CRTC3: variants seen among roughly 807,000 people sequenced by gnomAD.
CRTC3 encodes CREB regulated transcription coactivator 3.
Under a neutral mutation model 74.5 loss-of-function variants are expected in CRTC3, and 26 were observed. That is an observed-to-expected ratio of 0.35 (90% CI 0.26 to 0.48). The LOEUF is 0.48. Among genes scored for constraint, CRTC3 ranks in the 20% least tolerant of loss-of-function variants. CRTC3 has a pLI of 0.99. For missense variants in CRTC3, 760 were observed against 787.3 expected (o/e 0.97, Z 0.41); for synonymous variants, 377 against 325.8 (o/e 1.16, Z -1.69).
chr15:90,593,492 A>G, intron 2 of CRTC3, 144 bp from the exon 3 acceptor site: 2 of 783,772 alleles, frequency 2.6e-6, no homozygotes, highest in Non-Finnish European at 4.0e-6. Flanking sequence ...ATACTACTTT[A>G]TTTACCTTGA....
chr15:90,594,980 TTC>T (rs2151078505), intron 3 of CRTC3: 1 of 152,354 alleles, frequency 6.6e-6, no homozygotes, highest in South Asian at 2.1e-4. Context: ...GGGAATGTTT[TTC>T]TCTCCCCTTT....
At chr15:90,567,638 A>G (rs1331306616) in intron 2 of CRTC3, among the ~76,000 whole-genome samples, 1 of 152,064 alleles carries the variant, frequency 6.6e-6, no homozygotes, top group Non-Finnish European at 1.5e-5. Flanking sequence ...CAGTGAGCCA[A>G]AATTGTGCCA....
chr15:90,571,240 C>T (rs1042086300), intron 2 of CRTC3, among the ~76,000 whole-genome samples: 4 of 152,090 alleles, frequency 2.6e-5, no homozygotes, highest in Admixed American at 1.3e-4. Flanking sequence ...GTGACAAACC[C>T]ACAATAGAGG....
chr15:90,529,944 C>G lies in CRTC3; in HGVS notation c.-128C>G. ...CGCTGGCTCCGGGGCCGCGGCGGCT[C>G]CTCTGCCGGGTCGCGCCGGACGACT... On this transcript the variant is annotated 5_prime_UTR_variant, in exon 1 of 15. Coordinates refer to ENST00000268184, the MANE Select transcript of CRTC3 (RefSeq NM_022769.5). 1.5e-6 allele frequency: 1 copy of G among 680,544 alleles called. No individual in the cohort carries two copies. Among genetic ancestry groups the G allele is most frequent in the Non-Finnish European group, 1.9e-6 (1 of 536,044 alleles). 42.2% of individuals were successfully genotyped at this position (680,544 alleles called of 1,614,324 possible).
intron 1 of CRTC3, among the ~76,000 whole-genome samples, chr15:90,533,870 G>A (rs1567156191): frequency 6.6e-6 from 1 of 152,100 alleles, no homozygotes; most frequent in Non-Finnish European, 1.5e-5. Flanking sequence ...AGGCATTCGA[G>A]GGTTTGTGTG....
In CRTC3 at chr15:90,530,356, G is replaced by A. The variant is rs2151051131; in HGVS notation, c.132+153G>A. 6.6e-6 allele frequency among the ~76,000 whole-genome samples: 1 copy of A among 151,682 alleles called. No individual in the cohort carries two copies. Among genetic ancestry groups the A allele is most frequent in the South Asian group, 2.1e-4 (1 of 4,830 alleles). On this transcript the variant is annotated intron_variant, in intron 1 of 14. Coordinates refer to ENST00000268184, the MANE Select transcript of CRTC3 (RefSeq NM_022769.5). This position sits in a 1 kb window ranked among gnomAD's most constrained non-coding sequence, Gnocchi z 6.2. Reference sequence around the variant, plus strand: ...TGGGAGGGGGACCGGAGCGGCCGCGGCCTCGGCGTTTCCCCGCCTGGCGAC... The same window carrying A: ...TGGGAGGGGGACCGGAGCGGCCGCGACCTCGGCGTTTCCCCGCCTGGCGAC...
intron 10 of CRTC3, 72 bp from the exon 11 acceptor site, chr15:90,629,162 T>C (rs1328367358): frequency 2.1e-6 from 3 of 1,441,782 alleles, no homozygotes; most frequent in African/African-American, 1.4e-5. Context: ...AGTAGACAGT[T>C]TTCTTTCATT....
At chr15:90,574,475 TCAAAA>T (rs199729294) in intron 2 of CRTC3, among the ~76,000 whole-genome samples, 2 of 152,082 alleles carry the variant, frequency 1.3e-5, no homozygotes, top group African/African-American at 4.8e-5. Context: ...AGACTCTGTC[TCAAAA>T]CAAAACAAAA....
Position 90,560,538 on chromosome 15 carries a change from G to C in CRTC3, c.231+20401G>C, listed in dbSNP as rs534712981. Among the ~76,000 whole-genome samples the C allele has an allele frequency of 3.3e-5, 5 of 152,356 alleles. No homozygotes were observed. In the East Asian group the frequency reaches 7.7e-4, roughly 24 times the overall value. ...ATTGGGGCAGACGATGAATACTTCA[G>C]ATATCCCCTGTGGGGTTAACTCCAG... On this transcript the variant is annotated intron_variant, in intron 2 of 14. Coordinates refer to ENST00000268184, the MANE Select transcript of CRTC3 (RefSeq NM_022769.5).
At chr15:90,634,680 C>T (rs892350879) in intron 11 of CRTC3, 21 of 602,820 alleles carry the variant, frequency 3.5e-5, no homozygotes, top group Non-Finnish European at 5.7e-5. Context: ...TGTCTCCTTG[C>T]GGCTCTACAC....
At chr15:90,573,222 A>G (rs1967318808) in intron 2 of CRTC3, among the ~76,000 whole-genome samples, 1 of 152,114 alleles carries the variant, frequency 6.6e-6, no homozygotes. Context: ...TGTTGCCTCT[A>G]CTCAAGGGCG....
chr15:90,572,980 C>T (rs1180277459), intron 2 of CRTC3, among the ~76,000 whole-genome samples: 1 of 152,190 alleles, frequency 6.6e-6, no homozygotes, highest in Non-Finnish European at 1.5e-5. Flanking sequence ...TAAGTATATT[C>T]ACATTGTTGT....
intron 1 of CRTC3, among the ~76,000 whole-genome samples, chr15:90,538,460 A>G (rs1490979010): frequency 1.3e-5 from 2 of 152,202 alleles, no homozygotes; most frequent in Non-Finnish European, 2.9e-5. Context: ...AAAGCCACTG[A>G]AGGATTTCGT....
intron 4 of CRTC3, among the ~76,000 whole-genome samples, chr15:90,603,167 G>A (rs546207159): frequency 6.6e-6 from 1 of 152,162 alleles, no homozygotes; most frequent in Non-Finnish European, 1.5e-5. Context: ...ATCTTGGCCA[G>A]GCACGGTGGC....
intron 10 of CRTC3, among the ~76,000 whole-genome samples, chr15:90,626,402 T>G (rs1968835329): frequency 6.6e-6 from 1 of 152,228 alleles, no homozygotes; most frequent in African/African-American, 2.4e-5. Context: ...ATTCTGCATT[T>G]TAGAAAATTT....
chr15:90,591,122 T>TG (rs929210416), intron 2 of CRTC3, among the ~76,000 whole-genome samples: 1 of 149,012 alleles, frequency 6.7e-6, no homozygotes, highest in Non-Finnish European at 1.5e-5. Context: ...GCCCCACTAT[T>TG]TTTTTTTTTT....
Position 90,530,995 on chromosome 15 carries a change from T to TG in CRTC3, c.132+796dup. Among the ~76,000 whole-genome samples the TG allele has an allele frequency of 6.8e-6, 1 of 147,472 alleles. No homozygotes were observed. The highest frequency in any genetic ancestry group is 1.5e-5 in the Non-Finnish European group (1 of 66,828). ...TGCAGAGAAGGGGGGTCAGCAGGAG[T>TG]GGGGCTGGCCTTGAGGATCCTGAAT... On this transcript the variant is annotated intron_variant, in intron 1 of 14. Transcript: ENST00000268184. This position sits in a 1 kb window ranked among gnomAD's most constrained non-coding sequence, Gnocchi z 6.2.
At chr15:90,562,545 T>C (rs970457142) in intron 2 of CRTC3, among the ~76,000 whole-genome samples, 2 of 152,188 alleles carry the variant, frequency 1.3e-5, no homozygotes, top group Admixed American at 6.5e-5. Flanking sequence ...TAGATGCCGT[T>C]TTCTAGTCCC....
intron 9 of CRTC3, among the ~76,000 whole-genome samples, chr15:90,625,292 C>CATAG (rs1370272760): frequency 3.3e-5 from 5 of 152,168 alleles, no homozygotes; most frequent in African/African-American, 9.7e-5. Flanking sequence ...GTGCCTAGCC[C>CATAG]ATAGATTGTG....
Sources: gnomAD v4.1 joint callset for allele counts (sites outside exome capture counted in the v4.1 genomes callset) on GRCh38, gnomAD v4.1.1 for gene constraint, Gnocchi (gnomAD v3.1) non-coding constraint, MANE v1.5 for transcripts, NCBI Gene and HGNC (gene_info 2026-07-23, HGNC 2026-07-21) for gene names.